The following TREH variants were observed in gnomAD, a reference collection of about 807,000 sequenced individuals.
TREH encodes the protein alpha,alpha-trehalose glucohydrolase.
TREH carries 69 observed loss-of-function variants against 80.5 expected under a neutral mutation model. The ratio of observed to expected loss-of-function variants is 0.86; its 90% CI spans 0.71 to 1.05. TREH has a LOEUF of 1.05. Among genes scored for constraint, TREH ranks in the 50% least tolerant of loss-of-function variants. TREH has a pLI of 0.00. For missense variants in TREH, 716 were observed against 718.8 expected (o/e 1.00, Z 0.04); for synonymous variants, 309 against 293.5 (o/e 1.05, Z -0.54).
At position 118,659,838 on chromosome 11, in the gene TREH, T is replaced by A; in HGVS notation, c.1229A>T (p.Asn410Ile). 2 of 1,562,964 alleles carry A rather than the reference T, an allele frequency of 1.3e-6. No individual in the cohort carries two copies. Among genetic ancestry groups the A allele is most frequent in the Non-Finnish European group, 1.7e-6 (2 of 1,152,994 alleles). ...GAGGTTGGATGGGTAAAACTCCCGGTTTTTCTTCTTCTTCTCAAGGTCGTA... is the reference window on the plus strand; with the variant it reads ...GAGGTTGGATGGGTAAAACTCCCGGATTTTCTTCTTCTTCTCAAGGTCGTA... ...FDYDLEKKKKNREFYPSNLTP... is the reference protein window; with the variant it reads ...FDYDLEKKKKIREFYPSNLTP... The change falls in exon 11 of 15, where the codon AAC becomes ATC. Residue 410 changes from asparagine (N) to isoleucine (I), a missense_variant. Asn to Ile is a moderately radical substitution (Grantham distance 149). Transcript: ENST00000264029.
Position 118,676,785 on chromosome 11 carries a change from G to GGA in TREH, c.89+2753_89+2754insTC, listed in dbSNP as rs1392837693. Reference sequence around the variant, plus strand: ...TTGCTGTCTCAAAAAAAAAAAGAAAGAAAAAAACAACAACAAAAAAACACT... The same window carrying GGA: ...TTGCTGTCTCAAAAAAAAAAAGAAAGGAAAAAAAACAACAACAAAAAAACACT... On this transcript the variant is annotated intron_variant, in intron 1 of 14. Transcript: ENST00000264029. Among the ~76,000 whole-genome samples the GGA allele has an allele frequency of 3.7e-3, 533 of 145,188 alleles. 5 individuals carry two copies. The highest frequency in any genetic ancestry group is 0.012 in the African/African-American group (464 of 39,054).
At chr11:118,676,347 C>T (rs1949478635) in intron 1 of TREH, among the ~76,000 whole-genome samples, 2 of 152,058 alleles carry the variant, frequency 1.3e-5, no homozygotes, top group South Asian at 2.1e-4. Flanking sequence ...TGGTGGCACA[C>T]ACCTAGTCCT....
intron 14 of TREH, 66 bp downstream of exon 14, chr11:118,658,614 G>A (rs1200236582): frequency 1.4e-5 from 22 of 1,544,738 alleles, no homozygotes; most frequent in South Asian, 1.2e-4. Flanking sequence ...GGCCTGGGGC[G>A]GGGGTCATGA....
chr11:118,678,357 CTATTAT>C (rs35368922), intron 1 of TREH, among the ~76,000 whole-genome samples: 2 of 150,992 alleles, frequency 1.3e-5, no homozygotes, highest in Non-Finnish European at 2.9e-5. Flanking sequence ...TGTTTTGCTT[CTATTAT>C]TATTATTATT....
chr11:118,672,777 C>T (rs1949442460), intron 1 of TREH, among the ~76,000 whole-genome samples: 1 of 148,662 alleles, frequency 6.7e-6, no homozygotes. Context: ...TAATAGTAAG[C>T]ACACAGAAAA....
Position 118,661,029 on chromosome 11 carries a change from T to C in TREH, c.858-114A>G. The C allele has an allele frequency of 1.3e-6, 2 of 1,556,718 alleles. No homozygotes were observed. The highest frequency in any genetic ancestry group is 1.9e-5 in the Admixed American group (1 of 52,630). On this transcript the variant is annotated intron_variant, in intron 8 of 14. Coordinates refer to ENST00000264029, the MANE Select transcript of TREH (RefSeq NM_007180.3). The surrounding 1 kb of genome is among the most constrained non-coding windows in gnomAD (Gnocchi z 4.2). ...TGCCCTTGGGCCCCACAGCCCAGGATTGCAGAGGGCTCTCGGTGTCACCAT... is the reference window on the plus strand; with the variant it reads ...TGCCCTTGGGCCCCACAGCCCAGGACTGCAGAGGGCTCTCGGTGTCACCAT...
In TREH at chr11:118,660,904, T is replaced by C; in HGVS notation, c.869A>G (p.Tyr290Cys). 2 of 1,572,364 alleles carry C rather than the reference T, an allele frequency of 1.3e-6. No homozygotes were observed. Among genetic ancestry groups the C allele is most frequent in the Non-Finnish European group, 1.7e-6 (2 of 1,158,194 alleles). ...VPYGGPRPES[Y>C]SKDVELADTL... Reference sequence around the variant, plus strand: ...GTCAGCCAACTCCACATCTTTGCTGTAGGACTCAGGCCTGGCAAAGAGGAG... The same window carrying C: ...GTCAGCCAACTCCACATCTTTGCTGCAGGACTCAGGCCTGGCAAAGAGGAG... The change falls in exon 9 of 15, where the codon TAC (tyrosine) becomes TGC (cysteine). Residue 290 changes from tyrosine to cysteine, a missense_variant. Physicochemically the swap from Tyr to Cys is radical, Grantham distance 194 (BLOSUM62 -2). Coordinates refer to ENST00000264029, the MANE Select transcript of TREH (RefSeq NM_007180.3).
chr11:118,658,873 T>C, intron 13 of TREH, 32 bp downstream of exon 13: 1 of 1,612,346 alleles, frequency 6.2e-7, no homozygotes, highest in South Asian at 1.1e-5. Context: ...TGGGACAGCC[T>C]GGGGGTGCAG....
chr11:118,663,989 G>A (rs1555145463), intron 1 of TREH, among the ~76,000 whole-genome samples: 1 of 152,182 alleles, frequency 6.6e-6, no homozygotes, highest in African/African-American at 2.4e-5. Context: ...AATGTCTTGG[G>A]TGATGTCAGA....
chr11:118,659,736 T>C lies in TREH; in HGVS notation c.1320+11A>G, dbSNP rs1229725461. The C allele has an allele frequency of 2.2e-5, 35 of 1,563,806 alleles. No homozygotes were observed. Among genetic ancestry groups the C allele is most frequent in the Non-Finnish European group, 2.9e-5 (33 of 1,153,676 alleles). On this transcript the variant is annotated intron_variant, in intron 11 of 14. Transcript: ENST00000264029. ...CCTGCAGTGGACCCGAGCCACCTGC[T>C]GTGCCCTCACCTCCAGGTATTTCAG...
chr11:118,669,971 A>G (rs952618039), intron 1 of TREH, among the ~76,000 whole-genome samples: 3 of 152,164 alleles, frequency 2.0e-5, no homozygotes, highest in African/African-American at 7.2e-5. Flanking sequence ...TGTAATTCAT[A>G]AATATATATA....
chr11:118,678,068 T>C (rs1555147049), intron 1 of TREH, among the ~76,000 whole-genome samples: 1 of 152,154 alleles, frequency 6.6e-6, no homozygotes, highest in East Asian at 1.9e-4. Flanking sequence ...CCAAACCTTG[T>C]TGCCTGGAGC....
rs781949471 is a variant in TREH at position 118,660,536 on chromosome 11, C to T, written c.1102+3G>A. On this transcript the variant is annotated splice_donor_region_variant and intron_variant, in intron 10 of 14. Transcript: ENST00000264029. ...GCTTTCCCTTCCCTACTGGGGTGCT[C>T]ACCCAGCCTGGAATAGAAGTTGCTC... 58 of 1,594,642 alleles carry T rather than the reference C, an allele frequency of 3.6e-5. No individual in the cohort carries two copies. Among genetic ancestry groups the T allele is most frequent in the South Asian group, 1.1e-4 (10 of 88,430 alleles).
chr11:118,660,189 G>C (rs1241160106), intron 10 of TREH, among the ~76,000 whole-genome samples: 1 of 152,204 alleles, frequency 6.6e-6, no homozygotes, highest in African/African-American at 2.4e-5. Context: ...AGGGTCTCCA[G>C]GGTCTATCCT....
At chr11:118,677,640 GC>G (rs1456438289) in intron 1 of TREH, among the ~76,000 whole-genome samples, 8 of 152,142 alleles carry the variant, frequency 5.3e-5, no homozygotes, top group African/African-American at 1.7e-4. Context: ...CAGGAGAATC[GC>G]TTGAACCCAG....
Position 118,661,149 on chromosome 11 carries a change from C to T in TREH, c.857+11G>A, listed in dbSNP as rs1555144865. The T allele has an allele frequency of 6.2e-7, 1 of 1,613,676 alleles. No homozygotes were observed. The highest frequency in any genetic ancestry group is 1.3e-5 in the African/African-American group (1 of 74,898). On this transcript the variant is annotated intron_variant, in intron 8 of 14. Coordinates refer to ENST00000264029, the MANE Select transcript of TREH (RefSeq NM_007180.3). The surrounding 1 kb of genome is among the most constrained non-coding windows in gnomAD (Gnocchi z 4.2). ...GTAAGAGATTGAGGGGTGGGCTGCC[C>T]AGTTCCTCACCTGGGTCCCCCATAA...
intron 1 of TREH, among the ~76,000 whole-genome samples, chr11:118,664,103 G>A (rs1949354641): frequency 6.6e-6 from 1 of 152,178 alleles, no homozygotes; most frequent in South Asian, 2.1e-4. Flanking sequence ...GGTGCTAATG[G>A]TATTCAGGAG....
intron 1 of TREH, among the ~76,000 whole-genome samples, chr11:118,672,697 G>C (rs1555146425): frequency 8.1e-6 from 1 of 123,704 alleles, no homozygotes; most frequent in African/African-American, 3.2e-5. Flanking sequence ...TGGGTTGACA[G>C]AGCGAGACTC....
At position 118,659,635 on chromosome 11, in the gene TREH, G is replaced by T. The variant is rs540446493; in HGVS notation, c.1320+112C>A. ...CCGGTGGCTCTGGTGGGACCCGCAG[G>T]CTGGGACAAGGGGCATAGCCGGAGG... On this transcript the variant is annotated intron_variant, in intron 11 of 14. Transcript: ENST00000264029. The T allele has an allele frequency of 5.6e-4, 788 of 1,404,356 alleles. 3 individuals carry two copies. The highest frequency in any genetic ancestry group is 1.5e-3 in the Middle Eastern group (6 of 4,010). 87.0% of individuals were successfully genotyped at this position (1,404,356 alleles called of 1,614,324 possible). A position where few individuals can be genotyped will look rare whatever the true frequency, so the allele number is the denominator to read the frequency against.
Sources: allele counts gnomAD v4.1 joint callset (sites outside exome capture counted in the v4.1 genomes callset), GRCh38; gene constraint gnomAD v4.1.1; non-coding constraint Gnocchi (gnomAD v3.1); transcripts MANE v1.5; gene names NCBI Gene and HGNC (gene_info 2026-07-23, HGNC 2026-07-21).